The following LRRC4C variants were observed in gnomAD, a reference collection of about 807,000 sequenced individuals.
LRRC4C encodes leucine-rich repeat-containing protein 4C.
In LRRC4C, 5 loss-of-function variants were observed where a neutral mutation model predicts 33.6. That is an observed-to-expected ratio of 0.15 (90% CI 0.08 to 0.31). The LOEUF (loss-of-function observed/expected upper bound fraction) is 0.31. Among genes scored for constraint, LRRC4C ranks in the 10% least tolerant of loss-of-function variants. The pLI is 1.00. For synonymous variants in LRRC4C, 329 were observed against 302.0 expected, an observed-to-expected ratio of 1.09 and a Z score of -0.93; for missense variants, 560 against 796.7, an observed-to-expected ratio of 0.70 and a Z score of 3.58.
At chr11:40,581,377 G>A (rs1958456459) in intron 3 of LRRC4C, among the ~76,000 whole-genome samples, 1 of 152,158 alleles carries the variant, frequency 6.6e-6, no homozygotes, top group South Asian at 2.1e-4. Context: ...TTTCATTAAT[G>A]CAATTGTCTT....
At chr11:41,341,968 C>CAGT (rs1197573474) in intron 1 of LRRC4C, among the ~76,000 whole-genome samples, 3 of 152,122 alleles carry the variant, frequency 2.0e-5, no homozygotes, top group Non-Finnish European at 4.4e-5. Context: ...TGTATGTTAT[C>CAGT]TATAATATCT....
intron 3 of LRRC4C, among the ~76,000 whole-genome samples, chr11:40,644,946 G>GTTT (rs10653957): frequency 6.9e-6 from 1 of 145,678 alleles, no homozygotes. Flanking sequence ...GGATCTCTGT[G>GTTT]TTTTTTTTTT....
At chr11:40,270,831 G>A (rs1394107871) in intron 4 of LRRC4C, among the ~76,000 whole-genome samples, 2 of 152,146 alleles carry the variant, frequency 1.3e-5, no homozygotes, top group Non-Finnish European at 2.9e-5. Context: ...ATCATTGACT[G>A]TTTTTAGGCA....
chr11:40,811,475 A>C (rs1344931040), intron 2 of LRRC4C, among the ~76,000 whole-genome samples: 2 of 152,156 alleles, frequency 1.3e-5, no homozygotes, highest in African/African-American at 4.8e-5. Flanking sequence ...ATCAATAAAT[A>C]TATTTGAATT....
At chr11:40,425,316 C>T (rs1950670023) in intron 3 of LRRC4C, among the ~76,000 whole-genome samples, 1 of 152,082 alleles carries the variant, frequency 6.6e-6, no homozygotes, top group Admixed American at 6.5e-5. Context: ...AAAGGATCAG[C>T]CTCTACATGA....
intron 1 of LRRC4C, among the ~76,000 whole-genome samples, chr11:41,170,284 C>G (rs1366539570): frequency 2.6e-5 from 4 of 152,124 alleles, no homozygotes; most frequent in Non-Finnish European, 5.9e-5. Flanking sequence ...CAAAAAAGAG[C>G]CCATATTGCC....
At chr11:40,702,474 A>C (rs1207095906) in intron 2 of LRRC4C, among the ~76,000 whole-genome samples, 1 of 152,072 alleles carries the variant, frequency 6.6e-6, no homozygotes, top group Non-Finnish European at 1.5e-5. Flanking sequence ...CTTTCTCATT[A>C]AAATTGCTAC....
intron 3 of LRRC4C, among the ~76,000 whole-genome samples, chr11:40,633,371 T>TTCTTTCTTTTTCTTTCTCTC (rs745929705): frequency 1.0e-5 from 1 of 96,308 alleles, no homozygotes; most frequent in South Asian, 4.0e-4. Flanking sequence ...CTTTCTTTCT[T>TTCTTTCTTTTTCTTTCTCTC]TCTCTCTCTT....
At chr11:40,495,424 G>A (rs1156565194) in intron 3 of LRRC4C, among the ~76,000 whole-genome samples, 1 of 152,104 alleles carries the variant, frequency 6.6e-6, no homozygotes, top group Non-Finnish European at 1.5e-5. Flanking sequence ...AATAACCTTT[G>A]AGTAGATTAA....
At chr11:40,993,839 A>G (rs1253393757) in intron 1 of LRRC4C, among the ~76,000 whole-genome samples, 1 of 152,180 alleles carries the variant, frequency 6.6e-6, no homozygotes, top group Non-Finnish European at 1.5e-5. Context: ...GAGACAATGT[A>G]AAAGCATCAT....
At chr11:40,611,444 G>T (rs1055097360) in intron 3 of LRRC4C, among the ~76,000 whole-genome samples, 11 of 151,850 alleles carry the variant, frequency 7.2e-5, no homozygotes, top group Non-Finnish European at 1.6e-4. Context: ...AAGCTTCTTA[G>T]CATTGGCTTT....
At chr11:40,828,075 T>C (rs1192260831) in intron 2 of LRRC4C, among the ~76,000 whole-genome samples, 1 of 151,448 alleles carries the variant, frequency 6.6e-6, no homozygotes, top group Non-Finnish European at 1.5e-5. Context: ...GTGCCTAAGC[T>C]AAAAAATTGT....
chr11:41,377,908 C>A (rs959518065), intron 1 of LRRC4C, among the ~76,000 whole-genome samples: 1 of 152,134 alleles, frequency 6.6e-6, no homozygotes, highest in African/African-American at 2.4e-5. Context: ...AAGCTGGATG[C>A]GCCAGGAGGC....
intron 2 of LRRC4C, among the ~76,000 whole-genome samples, chr11:40,688,566 G>A (rs1234346168): frequency 1.3e-5 from 2 of 152,088 alleles, no homozygotes; most frequent in Non-Finnish European, 2.9e-5. Context: ...ATCAGATAAG[G>A]AGATGACAGG....
chr11:40,673,024 T>C (rs16935042), intron 2 of LRRC4C, among the ~76,000 whole-genome samples: 4,116 of 150,352 alleles, frequency 0.027, 185 homozygotes, highest in African/African-American at 0.093. Context: ...TACCTAAGCC[T>C]ATCTTAAAAG....
chr11:41,137,053 G>A (rs1943293877), intron 1 of LRRC4C, among the ~76,000 whole-genome samples: 1 of 152,050 alleles, frequency 6.6e-6, no homozygotes, highest in African/African-American at 2.4e-5. Context: ...TTACAGACCA[G>A]CCTGGCCAAC....
chr11:41,266,352 A>G (rs1480535549), intron 1 of LRRC4C, among the ~76,000 whole-genome samples: 1 of 152,248 alleles, frequency 6.6e-6, no homozygotes, highest in Non-Finnish European at 1.5e-5. Flanking sequence ...TTTGAGAATA[A>G]GAAAAACACT....
intron 4 of LRRC4C, among the ~76,000 whole-genome samples, chr11:40,314,182 C>G (rs1032032585): frequency 1.3e-5 from 2 of 151,706 alleles, no homozygotes; most frequent in Non-Finnish European, 2.9e-5. Context: ...AAATAAAAAA[C>G]AGAAGACAAA....
At chr11:41,035,416 T>A (rs944971726) in intron 1 of LRRC4C, among the ~76,000 whole-genome samples, 3 of 152,034 alleles carry the variant, frequency 2.0e-5, no homozygotes, top group Non-Finnish European at 2.9e-5. Context: ...ATGTGTGTTG[T>A]TTCCCTCTCT....
Sources: gnomAD v4.1 joint callset for allele counts (sites outside exome capture counted in the v4.1 genomes callset) on GRCh38, gnomAD v4.1.1 for gene constraint, MANE v1.5 for transcripts, NCBI Gene and HGNC (gene_info 2026-07-23, HGNC 2026-07-21) for gene names.